WFDC9: variants seen among roughly 807,000 people sequenced by gnomAD.
WFDC9 encodes WAP four-disulfide core domain 9.
In WFDC9, 9 loss-of-function variants were observed where a neutral mutation model predicts 9.5. The observed-to-expected ratio is 0.95, with a 90% CI of 0.57 to 1.65. The LOEUF is 1.65. Ranked by LOEUF, WFDC9 falls within the 40% of genes most tolerant of loss-of-function variation. WFDC9 has a pLI of 0.00. For synonymous variants in WFDC9, 33 were observed against 32.3 expected (o/e 1.02, Z -0.07); for missense variants, 87 against 106.7 (o/e 0.82, Z 0.81).
chr20:45,629,247 C>T (rs1681757795), intron 1 of WFDC9, among the ~76,000 whole-genome samples: 1 of 152,148 alleles, frequency 6.6e-6, no homozygotes, highest in South Asian at 2.1e-4. Flanking sequence ...AATAATATGA[C>T]ATTCTCTAGA....
intron 1 of WFDC9, among the ~76,000 whole-genome samples, chr20:45,619,683 T>G (rs1868930682): frequency 6.6e-6 from 1 of 152,222 alleles, no homozygotes; most frequent in Non-Finnish European, 1.5e-5. Context: ...ATGATTATAA[T>G]CATTCAATTG....
chr20:45,615,484 G>A (rs1981952284), intron 1 of WFDC9, among the ~76,000 whole-genome samples: 1 of 152,118 alleles, frequency 6.6e-6, no homozygotes, highest in Non-Finnish European at 1.5e-5. Flanking sequence ...TAGGATACAG[G>A]CATACCTCGG....
chr20:45,610,410 T>G (rs1474515053), intron 2 of WFDC9, among the ~76,000 whole-genome samples, 171 bp from the exon 3 acceptor site: 2 of 152,168 alleles, frequency 1.3e-5, no homozygotes, highest in Admixed American at 6.5e-5. Context: ...ACATACCCCT[T>G]CCTTTGCAAA....
At chr20:45,630,720 T>C in intron 1 of WFDC9, 3 of 855,462 alleles carry the variant, frequency 3.5e-6, no homozygotes, top group Admixed American at 3.4e-5. Context: ...CACTAGGATT[T>C]GGTGATGGGC....
intron 1 of WFDC9, among the ~76,000 whole-genome samples, chr20:45,616,758 A>C (rs1981983950): frequency 6.6e-6 from 1 of 152,208 alleles, no homozygotes; most frequent in Admixed American, 6.5e-5. Flanking sequence ...TTGAGTGACC[A>C]AAATCTTTTT....
chr20:45,608,433 G>C (rs765868689), intron 4 of WFDC9, among the ~76,000 whole-genome samples: 4 of 152,158 alleles, frequency 2.6e-5, no homozygotes, highest in Non-Finnish European at 5.9e-5. Flanking sequence ...GATATGTTGA[G>C]GGAAGCAAAG....
At chr20:45,628,704 A>G (rs1011987012) in intron 1 of WFDC9, among the ~76,000 whole-genome samples, 9 of 152,188 alleles carry the variant, frequency 5.9e-5, no homozygotes, top group African/African-American at 1.9e-4. Flanking sequence ...AAGGTGAGAT[A>G]TGGGGGAAAG....
intron 1 of WFDC9, 45 bp downstream of exon 1, chr20:45,631,158 C>A (rs1007358816): frequency 6.4e-6 from 6 of 939,158 alleles, no homozygotes; most frequent in African/African-American, 1.7e-5. Context: ...GTCTGAACCC[C>A]TTGTCCCTGT....
At chr20:45,629,251 C>A (rs569205762) in intron 1 of WFDC9, among the ~76,000 whole-genome samples, 8 of 152,210 alleles carry the variant, frequency 5.3e-5, no homozygotes, top group Admixed American at 4.6e-4. Context: ...ATATGACATT[C>A]TCTAGATTAT....
chr20:45,608,954 T>C (rs1252010158), intron 3 of WFDC9, 144 bp from the exon 4 acceptor site: 5 of 906,992 alleles, frequency 5.5e-6, no homozygotes, highest in Non-Finnish European at 6.4e-6. Flanking sequence ...CCTCAAATTA[T>C]AACCAGTGTC....
At chr20:45,611,541 AAAATATGCTC>A (rs2145595279) in intron 2 of WFDC9, among the ~76,000 whole-genome samples, 1 of 152,328 alleles carries the variant, frequency 6.6e-6, no homozygotes, top group South Asian at 2.1e-4. Context: ...AGGGGAGGCA[AAAATATGCTC>A]ACATCATACA....
intron 3 of WFDC9, among the ~76,000 whole-genome samples, chr20:45,609,207 C>CTTT (rs61409671): frequency 1.4e-5 from 2 of 143,406 alleles, no homozygotes; most frequent in South Asian, 2.2e-4. Context: ...TTCCCCTTCT[C>CTTT]TTTTTTTTTT....
chr20:45,608,128 T>A lies in WFDC9; in HGVS notation c.252A>T (p.Lys84Asn), dbSNP rs1390792973. 1 of 1,612,726 alleles carries A rather than the reference T, an allele frequency of 6.2e-7. No homozygotes were observed. The highest frequency in any genetic ancestry group is 1.1e-5 in the South Asian group (1 of 90,750). Residue 84 changes from lysine (K) to asparagine (N), a missense_variant, in exon 5 of 5, where the codon AAA becomes AAT. Physicochemically the swap from Lys to Asn is moderately conservative, Grantham distance 94. Transcript: ENST00000326000. The stretch of plus-strand genomic sequence containing the variant: ...ATAGAATCTAGGGGTTTAGCATTGA[T>A]TTAAGGGGCTCTCTAGAAGAGAAAA... ...NICLDNEEPLKSMLNP is the reference protein window; with the variant it reads ...NICLDNEEPLNSMLNP
intron 1 of WFDC9, among the ~76,000 whole-genome samples, chr20:45,623,685 T>C (rs1389745348): frequency 6.6e-6 from 1 of 152,134 alleles, no homozygotes; most frequent in East Asian, 1.9e-4. Flanking sequence ...ATGTGATACA[T>C]AGTGATGTTT....
intron 2 of WFDC9, among the ~76,000 whole-genome samples, chr20:45,611,526 T>C (rs1981859008): frequency 6.6e-6 from 1 of 152,096 alleles, no homozygotes; most frequent in African/African-American, 2.4e-5. Flanking sequence ...CTGAATGAAA[T>C]ATACAGGGGA....
chr20:45,624,603 G>T lies in WFDC9; in HGVS notation c.-153+6600C>A, dbSNP rs1568654506. Among the ~76,000 whole-genome samples the T allele has an allele frequency of 2.6e-5, 4 of 152,164 alleles. No homozygotes were observed. In the East Asian group the frequency reaches 5.8e-4, roughly 22 times the overall value. ...AGTAGTGGGATTGCTGGGTCATATG[G>T]TAGTGGAGTTCTATGTGTAGGCTTT... On this transcript the variant is annotated intron_variant, in intron 1 of 4. Coordinates refer to ENST00000326000, the MANE Select transcript of WFDC9 (RefSeq NM_147198.4).
intron 1 of WFDC9, among the ~76,000 whole-genome samples, chr20:45,619,560 T>C (rs1245393133): frequency 6.6e-6 from 1 of 150,780 alleles, no homozygotes; most frequent in Non-Finnish European, 1.5e-5. Flanking sequence ...CATCAGGTAG[T>C]AATGAGATCT....
At chr20:45,625,120 G>A (rs1031540840) in intron 1 of WFDC9, among the ~76,000 whole-genome samples, 5 of 152,180 alleles carry the variant, frequency 3.3e-5, no homozygotes, top group African/African-American at 1.2e-4. Context: ...GGCCTCAGGA[G>A]ACTTTAAATC....
At chr20:45,629,135 G>T (rs1982292903) in intron 1 of WFDC9, among the ~76,000 whole-genome samples, 1 of 152,116 alleles carries the variant, frequency 6.6e-6, no homozygotes, top group Non-Finnish European at 1.5e-5. Context: ...ATGTATATCT[G>T]TGTATGTGTT....
Sources: allele counts gnomAD v4.1 joint callset (sites outside exome capture counted in the v4.1 genomes callset), GRCh38; gene constraint gnomAD v4.1.1; transcripts MANE v1.5; gene names NCBI Gene and HGNC (gene_info 2026-07-23, HGNC 2026-07-21).